The following ARRB1 variants were observed in gnomAD, a reference collection of about 807,000 sequenced individuals.
The protein encoded by ARRB1 is arrestin beta 1.
ARRB1 carries 21 observed loss-of-function variants against 56.8 expected under a neutral mutation model. The observed-to-expected ratio is 0.37, with a 90% confidence interval of 0.26 to 0.53. The LOEUF (loss-of-function observed/expected upper bound fraction) is 0.53, where lower values mean the gene tolerates loss of function less well. Ranked by LOEUF, ARRB1 falls within the 20% of genes least tolerant of loss-of-function variation. The pLI, the probability that ARRB1 is intolerant of heterozygous loss-of-function variation, is 0.88. For synonymous variants in ARRB1, 210 were observed against 218.6 expected (o/e 0.96, Z 0.35); for missense variants, 424 against 553.7 (o/e 0.77, Z 2.35).
intron 1 of ARRB1, among the ~76,000 whole-genome samples, chr11:75,298,510 T>C (rs550183877): frequency 8.5e-5 from 13 of 152,290 alleles, no homozygotes; most frequent in Admixed American, 3.9e-4. Flanking sequence ...CCCATTAAGA[T>C]GGCTATACTC....
intron 14 of ARRB1, 72 bp downstream of exon 14, chr11:75,268,817 C>T (rs895229260): frequency 5.2e-6 from 8 of 1,526,550 alleles, no homozygotes; most frequent in African/African-American, 2.8e-5. Context: ...GAACCCGGGG[C>T]GGGGTGGGTT....
chr11:75,283,302 G>A lies in ARRB1; in HGVS notation c.339C>T (p.Tyr113=). Residue 113 remains tyrosine (Y), a synonymous_variant, in exon 5 of 16, where the codon TAC becomes TAT. Transcript: ENST00000420843. ...RLIKKLGEHA[Y]PFTFEIPPNL... Reference sequence around the variant, plus strand: ...AGTTCCTGACCTCAAAGGTGAAAGGGTAAGCGTGCTCGCCCAGCTTCTTGA... The same window carrying A: ...AGTTCCTGACCTCAAAGGTGAAAGGATAAGCGTGCTCGCCCAGCTTCTTGA... The A allele has an allele frequency of 6.2e-7, 1 of 1,610,312 alleles. No individual in the cohort carries two copies. The highest frequency in any genetic ancestry group is 8.5e-7 in the Non-Finnish European group (1 of 1,177,960).
At chr11:75,269,284 A>C (rs1946018574) in intron 13 of ARRB1, 2 of 503,370 alleles carry the variant, frequency 4.0e-6, no homozygotes, top group East Asian at 9.3e-5. Flanking sequence ...GCGGGGCTCC[A>C]GAGGTGCCCT....
intron 1 of ARRB1, among the ~76,000 whole-genome samples, chr11:75,296,531 T>C (rs1303884530): frequency 6.6e-6 from 1 of 152,194 alleles, no homozygotes; most frequent in Non-Finnish European, 1.5e-5. Flanking sequence ...TTCACTGCTC[T>C]TCTGTGAGCC....
intron 2 of ARRB1, 94 bp downstream of exon 2, chr11:75,289,915 A>T: frequency 6.3e-7 from 1 of 1,574,860 alleles, no homozygotes; most frequent in Non-Finnish European, 8.7e-7. Flanking sequence ...AGAGGTGTGC[A>T]TTTCAGGGGA....
chr11:75,308,696 G>C (rs546836828), intron 1 of ARRB1, among the ~76,000 whole-genome samples: 1 of 151,644 alleles, frequency 6.6e-6, no homozygotes, highest in African/African-American at 2.4e-5. Flanking sequence ...AGTGAGCCAA[G>C]ATAGCACCAC....
At position 75,283,382 on chromosome 11, in the gene ARRB1, A is replaced by G. The variant is rs1246464822; in HGVS notation, c.259T>C (p.Phe87Leu). The change falls in exon 5 of 16, where the codon TTC (phenylalanine) becomes CTC (leucine). Residue 87 changes from phenylalanine to leucine, a missense_variant. By Grantham distance (22) the Phe-to-Leu change is conservative. This residue lies in a region of ARRB1 where 301 missense variants were observed against 387.9 expected (regional missense o/e 0.78). Coordinates refer to ENST00000420843, the MANE Select transcript of ARRB1 (RefSeq NM_004041.5). The stretch of plus-strand genomic sequence containing the variant: ...TTCTTGTCCTCGGGGGCCGGTGGGA[A>G]CGACTGTACGTTGGCCACAAACAGG... ...KDLFVANVQS[F>L]PPAPEDKKPL... is the part of the protein sequence containing the mutation. The G allele has an allele frequency of 6.2e-7, 1 of 1,614,032 alleles. No homozygotes were observed. Among genetic ancestry groups the G allele is most frequent in the Non-Finnish European group, 8.5e-7 (1 of 1,179,998 alleles).
intron 1 of ARRB1, among the ~76,000 whole-genome samples, chr11:75,300,802 T>TA (rs1565126543): frequency 6.6e-6 from 1 of 150,622 alleles, no homozygotes; most frequent in Admixed American, 6.6e-5. Context: ...CCGTCTCTAC[T>TA]AAAAAACACA....
intron 1 of ARRB1, among the ~76,000 whole-genome samples, chr11:75,312,714 G>A (rs1947189215): frequency 2.0e-5 from 3 of 152,202 alleles, no homozygotes; most frequent in South Asian, 4.1e-4. Flanking sequence ...GAGGCAGGAG[G>A]GTCAGAGAGA....
chr11:75,284,450 C>A, intron 3 of ARRB1, 171 bp from the exon 4 acceptor site: 1 of 540,342 alleles, frequency 1.9e-6, no homozygotes. Context: ...CACCACGCTC[C>A]ACCCTTCCCC....
chr11:75,294,776 T>C (rs1406351633), intron 1 of ARRB1, among the ~76,000 whole-genome samples: 1 of 152,114 alleles, frequency 6.6e-6, no homozygotes, highest in Non-Finnish European at 1.5e-5. Flanking sequence ...AAGTTAGGCA[T>C]GTCCATGTGG....
At chr11:75,276,977 G>GTCCCC (rs3831456) in intron 9 of ARRB1, 66 bp from the exon 10 acceptor site, 552,542 of 1,520,614 alleles carry the variant, frequency 0.36, 107,393 homozygotes, top group Admixed American at 0.43. Flanking sequence ...TCTCACAGGC[G>GTCCCC]TCCCCGGGTT....
intron 1 of ARRB1, among the ~76,000 whole-genome samples, chr11:75,332,880 G>C (rs1947543489): frequency 1.3e-5 from 2 of 151,934 alleles, no homozygotes; most frequent in Admixed American, 1.3e-4. Context: ...GGGCGACAGA[G>C]TGAGACTCCA....
chr11:75,317,033 C>T (rs576489727), intron 1 of ARRB1, among the ~76,000 whole-genome samples: 3 of 152,278 alleles, frequency 2.0e-5, no homozygotes, highest in East Asian at 1.9e-4. Flanking sequence ...GCTACTACTG[C>T]CCTCCAGCCT....
At chr11:75,286,029 G>A (rs868592610) in intron 3 of ARRB1, among the ~76,000 whole-genome samples, 3 of 152,144 alleles carry the variant, frequency 2.0e-5, no homozygotes, top group African/African-American at 7.2e-5. Context: ...AGGGCTGGAG[G>A]GGAGAATTGG....
At chr11:75,270,396 G>T (rs35845756) in intron 13 of ARRB1, among the ~76,000 whole-genome samples, 3 of 152,106 alleles carry the variant, frequency 2.0e-5, no homozygotes, top group Non-Finnish European at 4.4e-5. Context: ...TTGGGAGGCC[G>T]AGGCGGGTGG....
Position 75,263,668 on chromosome 11 carries a change from G to A in ARRB1, c.*2495C>T, listed in dbSNP as rs1200805679. Among the ~76,000 whole-genome samples the A allele has an allele frequency of 1.3e-5, 2 of 151,772 alleles. No individual in the cohort carries two copies. On this transcript the variant is annotated 3_prime_UTR_variant, in exon 16 of 16. Transcript: ENST00000420843. ...GCTCCAGTACTTGGCATAGAGCTGA[G>A]TCATCAGCAAAGGATGGTAGGCTGA...
At position 75,273,027 on chromosome 11, in the gene ARRB1, G is replaced by A. The variant is rs367840175; in HGVS notation, c.915-49C>T. The A allele has an allele frequency of 6.0e-5, 93 of 1,554,526 alleles. No homozygotes were observed. The Middle Eastern group carries it at 8.4e-4, about 14-fold the overall frequency. On this transcript the variant is annotated intron_variant, in intron 11 of 15. Transcript: ENST00000420843. ...AGTTCAGGGGCCTTGCCAGGTGGGC[G>A]AGACACCTCAGGGGTGGGTATGCTG...
intron 1 of ARRB1, among the ~76,000 whole-genome samples, chr11:75,334,821 C>T (rs974324903): frequency 6.6e-6 from 1 of 152,104 alleles, no homozygotes; most frequent in Non-Finnish European, 1.5e-5. Context: ...GATGAGAGCC[C>T]CCTGAGGACA....
Sources: allele counts gnomAD v4.1 joint callset (sites outside exome capture counted in the v4.1 genomes callset), GRCh38; gene constraint gnomAD v4.1.1; regional missense constraint gnomAD v4.1.1; transcripts MANE v1.5; gene names NCBI Gene and HGNC (gene_info 2026-07-23, HGNC 2026-07-21).